CD1C: variants seen among roughly 807,000 people sequenced by gnomAD.
CD1C encodes T-cell surface glycoprotein CD1c.
CD1C carries 47 observed loss-of-function variants against 39.4 expected under a neutral mutation model. The ratio of observed to expected loss-of-function variants is 1.19; its 90% CI spans 0.94 to 1.52. CD1C has a LOEUF of 1.52. Ranked by LOEUF, CD1C falls within the 40% of genes most tolerant of loss-of-function variation. The probability of loss-of-function intolerance (pLI) is 0.00; values close to 1 mark genes in which losing one functional copy is unlikely to be tolerated. For synonymous variants in CD1C, 165 were observed against 150.8 expected (o/e 1.09, Z -0.69); for missense variants, 417 against 395.2 (o/e 1.06, Z -0.47).
chr1:158,291,296 A>G lies in CD1C; in HGVS notation c.224A>G (p.Asn75Ser), dbSNP rs372428718. Reference protein sequence around the residue: ...IIFLHNWSKGNFSNEELSDLE... With the variant: ...IIFLHNWSKGSFSNEELSDLE... The stretch of plus-strand genomic sequence containing the variant: ...TTCCTGCATAACTGGTCCAAGGGCA[A>G]CTTCAGCAATGAAGAGTTGTCAGAC... The change falls in exon 2 of 6, where the codon AAC becomes AGC. Residue 75 changes from asparagine (N) to serine (S), a missense_variant. By Grantham distance (46) the Asn-to-Ser change is conservative. Coordinates refer to ENST00000368170, the MANE Select transcript of CD1C (RefSeq NM_001765.3). 2.0e-5 allele frequency: 32 copies of G among 1,613,980 alleles called. No individual in the cohort carries two copies. The highest frequency in any genetic ancestry group is 2.7e-5 in the Non-Finnish European group (32 of 1,180,026).
In CD1C at chr1:158,290,125, G is replaced by C. The variant is rs775935078; in HGVS notation, c.61G>C (p.Ala21Pro). The change falls in exon 1 of 6, where the codon GCA (alanine) becomes CCA (proline). Residue 21 changes from alanine to proline, a missense_variant and splice_region_variant. By Grantham distance (27) the Ala-to-Pro change is conservative. Transcript: ENST00000368170. ...TCTCCCAGGTGGTGACAATGCAGAC[G>C]GTAAGAACATCGCTGTCAGCTGCAA... ...LLLPGGDNAD[A>P]SQEHVSFHVI... 3 of 1,612,532 alleles carry C rather than the reference G, an allele frequency of 1.9e-6. No homozygotes were observed. Among genetic ancestry groups the C allele is most frequent in the Non-Finnish European group, 2.5e-6 (3 of 1,178,958 alleles).
rs534404229 is a variant in CD1C, at chr1:158,293,558, G to A, written c.*82G>A. On this transcript the variant is annotated 3_prime_UTR_variant, in exon 6 of 6. Coordinates refer to ENST00000368170, the MANE Select transcript of CD1C (RefSeq NM_001765.3). The stretch of plus-strand genomic sequence containing the variant: ...TACAATATAGTGATGCCATCCCGTC[G>A]ACTCTCCATTTAAATTGTTTCTCTT... The A allele has an allele frequency of 2.8e-5, 45 of 1,613,794 alleles. No individual in the cohort carries two copies. Among genetic ancestry groups the A allele is most frequent in the Middle Eastern group, 3.3e-4 (2 of 6,062 alleles).
At chr1:158,292,017 T>G (rs1410933777) in intron 2 of CD1C, 67 bp from the exon 3 acceptor site, 1 of 1,483,916 alleles carries the variant, frequency 6.7e-7, no homozygotes, top group Non-Finnish European at 9.1e-7. Context: ...GATACAGCCC[T>G]AGGTTTTTAT....
chr1:158,291,214 G>A lies in CD1C; in HGVS notation c.142G>A (p.Gly48Arg). 6.2e-7 allele frequency: 1 copy of A among 1,614,010 alleles called. No individual in the cohort carries two copies. The highest frequency in any genetic ancestry group is 8.5e-7 in the Non-Finnish European group (1 of 1,180,026). Residue 48 changes from glycine (G) to arginine (R), a missense_variant, in exon 2 of 6, where the codon GGA becomes AGA. Physicochemically the swap from Gly to Arg is moderately radical, Grantham distance 125. Transcript: ENST00000368170. ...NQSWARGQGS[G>R]WLDELQTHGW... ...ATCCTGGGCACGAGGTCAGGGCTCAGGATGGCTGGACGAGTTGCAGACTCA... is the reference window on the plus strand; with the variant it reads ...ATCCTGGGCACGAGGTCAGGGCTCAAGATGGCTGGACGAGTTGCAGACTCA...
At position 158,292,357 on chromosome 1, in the gene CD1C, A is replaced by G. The variant is rs748673410; in HGVS notation, c.602A>G (p.His201Arg). ...GLLDAGKMYV[H>R]RQVRPEAWLS... Reference sequence around the variant, plus strand: ...CTGGATGCAGGGAAGATGTATGTACACAGGCAAGGTCAGTAGTTTCAGCCC... The same window carrying G: ...CTGGATGCAGGGAAGATGTATGTACGCAGGCAAGGTCAGTAGTTTCAGCCC... The change falls in exon 3 of 6, where the codon CAC (histidine) becomes CGC (arginine). Residue 201 changes from histidine (H) to arginine (R), a missense_variant. His to Arg is a conservative substitution (Grantham distance 29). Coordinates refer to ENST00000368170, the MANE Select transcript of CD1C (RefSeq NM_001765.3). 7 of 1,613,480 alleles carry G rather than the reference A, an allele frequency of 4.3e-6. No individual in the cohort carries two copies. The East Asian group carries it at 1.3e-4, about 31-fold the overall frequency.
At chr1:158,290,776 G>C (rs1651004733) in intron 1 of CD1C, among the ~76,000 whole-genome samples, 1 of 152,192 alleles carries the variant, frequency 6.6e-6, no homozygotes, top group Non-Finnish European at 1.5e-5. Context: ...ATGACATGCT[G>C]TTTCTGTAGT....
Position 158,293,364 on chromosome 1 carries a change from C to G in CD1C, c.980+62C>G, listed in dbSNP as rs1037249715. On this transcript the variant is annotated intron_variant, in intron 5 of 5. Coordinates refer to ENST00000368170, the MANE Select transcript of CD1C (RefSeq NM_001765.3). ...CTTATTTCACATTCCATTTTTCACT[C>G]TCTTAGCTTTTCTCTATTGACTACT... 34 of 1,593,112 alleles carry G rather than the reference C, an allele frequency of 2.1e-5. No homozygotes were observed. In the African/African-American group the frequency reaches 2.7e-4, roughly 13 times the overall value.
In CD1C at chr1:158,293,249, G is replaced by A; in HGVS notation, c.927G>A (p.Val309=). 1.2e-6 allele frequency: 2 copies of A among 1,614,156 alleles called. No individual in the cohort carries two copies. Among genetic ancestry groups the A allele is most frequent in the Non-Finnish European group, 8.5e-7 (1 of 1,180,000 alleles). The part of the protein sequence containing the change: ...HFSMNWIALV[V]IVPLVILIVL... ...CCATGAATTGGATTGCCTTGGTAGT[G>A]ATAGTGCCCTTGGTGATTCTAATAG... The change falls in exon 5 of 6, where the codon GTG becomes GTA. Residue 309 remains valine (V), a synonymous_variant. Transcript: ENST00000368170.
chr1:158,293,396 T>A (rs368649247), intron 5 of CD1C, 59 bp from the exon 6 acceptor site: 58 of 1,600,652 alleles, frequency 3.6e-5, no homozygotes, highest in Admixed American at 1.7e-4. Flanking sequence ...TACTCCACCT[T>A]ATCCTCAGTT....
chr1:158,292,645 G>C lies in CD1C; in HGVS notation c.660G>C (p.Gln220His). 2 of 1,613,544 alleles carry C rather than the reference G, an allele frequency of 1.2e-6. No homozygotes were observed. The highest frequency in any genetic ancestry group is 2.2e-5 in the South Asian group (2 of 91,044). ...LSSRPSLGSG[Q>H]LLLVCHASGF... ...GTCGCCCCAGCCTTGGGTCTGGCCA[G>C]CTGTTGCTGGTTTGTCATGCCTCCG... Residue 220 changes from glutamine (Q) to histidine (H), a missense_variant, in exon 4 of 6, where the codon CAG becomes CAC. Physicochemically the swap from Gln to His is conservative, Grantham distance 24 (BLOSUM62 0). Coordinates refer to ENST00000368170, the MANE Select transcript of CD1C (RefSeq NM_001765.3).
chr1:158,292,998 A>G, intron 4 of CD1C, 124 bp downstream of exon 4: 2 of 968,950 alleles, frequency 2.1e-6, no homozygotes, highest in Non-Finnish European at 3.1e-6. Flanking sequence ...GGTAATTTAA[A>G]GAATAGTGGA....
At position 158,293,201 on chromosome 1, in the gene CD1C, A is replaced by C; in HGVS notation, c.890-11A>C. 6.2e-7 allele frequency: 1 copy of C among 1,601,620 alleles called. No individual in the cohort carries two copies. Among genetic ancestry groups the C allele is most frequent in the Non-Finnish European group, 8.5e-7 (1 of 1,171,916 alleles). ...TAAAATGGCATCCATGTATCTTTCC[A>C]ATATGTGCAGGACACCACTTTTCCA... is the stretch of plus-strand genomic sequence containing the variant. On this transcript the variant is annotated splice_polypyrimidine_tract_variant and intron_variant, in intron 4 of 5. Transcript: ENST00000368170.
Position 158,293,495 on chromosome 1 carries a change from C to G in CD1C, c.*19C>G, listed in dbSNP as rs755841801. Reference sequence around the variant, plus strand: ...CCTGTGAGACTCTTCCCCCTGACTCCCCCATTGTGTTAAGAACCCAGCAAC... The same window carrying G: ...CCTGTGAGACTCTTCCCCCTGACTCGCCCATTGTGTTAAGAACCCAGCAAC... On this transcript the variant is annotated 3_prime_UTR_variant, in exon 6 of 6. Transcript: ENST00000368170. 4 of 1,614,000 alleles carry G rather than the reference C, an allele frequency of 2.5e-6. No individual in the cohort carries two copies. Among genetic ancestry groups the G allele is most frequent in the African/African-American group, 2.7e-5 (2 of 74,914 alleles).
Position 158,292,193 on chromosome 1 carries a change from T to C in CD1C, c.438T>C (p.Asn146=), listed in dbSNP as rs148953286. 810 of 1,614,094 alleles carry C rather than the reference T, an allele frequency of 5.0e-4. No individual in the cohort carries two copies. Among genetic ancestry groups the C allele is most frequent in the Non-Finnish European group, 6.5e-4 (772 of 1,180,056 alleles). The change falls in exon 3 of 6, where the codon AAT becomes AAC. Residue 146 remains asparagine (N), a synonymous_variant. Coordinates refer to ENST00000368170, the MANE Select transcript of CD1C (RefSeq NM_001765.3). ...GATTAGATTTACTGAGTTTCCAGAA[T>C]ACAACATGGGTGCCATCTCCAGGCT... ...FNGLDLLSFQ[N]TTWVPSPGCG...
In CD1C at chr1:158,290,269, G is replaced by A. The variant is rs372611291; in HGVS notation, c.61+144G>A. 7.5e-4 allele frequency: 496 copies of A among 657,618 alleles called. 3 individuals carry two copies. In the African/African-American group the frequency reaches 7.8e-3, roughly 10 times the overall value. 40.7% of individuals were successfully genotyped at this position (657,618 alleles called of 1,614,324 possible). A position where few individuals can be genotyped will look rare whatever the true frequency, so the allele number is the denominator to read the frequency against. On this transcript the variant is annotated intron_variant, in intron 1 of 5. Coordinates refer to ENST00000368170, the MANE Select transcript of CD1C (RefSeq NM_001765.3). The stretch of plus-strand genomic sequence containing the variant: ...GGTCCAGTTTACTCTTTTGGAGGAT[G>A]GTGGCAGAGCATGGGCTCTGTGTAA...
At chr1:158,290,192 A>T in intron 1 of CD1C, 67 bp downstream of exon 1, 1 of 1,399,472 alleles carries the variant, frequency 7.1e-7, no homozygotes, top group Non-Finnish European at 1.0e-6. Context: ...CTTTCCCGAG[A>T]TGGATCAATA....
Position 158,292,314 on chromosome 1 carries a change from C to T in CD1C, c.559C>T (p.Arg187Ter), listed in dbSNP as rs139538152. The T allele has an allele frequency of 1.8e-5, 29 of 1,614,040 alleles. No individual in the cohort carries two copies. Among genetic ancestry groups the T allele is most frequent in the South Asian group, 1.1e-4 (10 of 91,084 alleles). ...VYNLIRSTCP[R>*]FLLGLLDAGK... ...TAATCTCATAAGAAGCACTTGCCCC[C>T]GATTTCTCTTGGGTCTCCTGGATGC... Residue 187 changes from arginine (R) to a stop codon, truncating the protein, a stop_gained, in exon 3 of 6, where the codon CGA becomes TGA. Coordinates refer to ENST00000368170, the MANE Select transcript of CD1C (RefSeq NM_001765.3). LOFTEE classifies it high-confidence loss of function.
At chr1:158,292,965 G>A in intron 4 of CD1C, 91 bp downstream of exon 4, 2 of 1,269,272 alleles carry the variant, frequency 1.6e-6, no homozygotes, top group Non-Finnish European at 1.1e-6. Flanking sequence ...CCTAGGTGAG[G>A]GATTGTAGGA....
rs1651120345 is a variant in CD1C, at chr1:158,293,313, T to C, written c.980+11T>C. 6.2e-7 allele frequency: 1 copy of C among 1,609,890 alleles called. No homozygotes were observed. The highest frequency in any genetic ancestry group is 1.7e-5 in the Admixed American group (1 of 59,766). On this transcript the variant is annotated intron_variant, in intron 5 of 5. Transcript: ENST00000368170. ...GTTTAAGAAGCACTGGTGAGTTTTTTGTATTTCCTCCTCTCCTCCCAGTTT... is the reference window on the plus strand; with the variant it reads ...GTTTAAGAAGCACTGGTGAGTTTTTCGTATTTCCTCCTCTCCTCCCAGTTT...
Sources: allele counts gnomAD v4.1 joint callset (sites outside exome capture counted in the v4.1 genomes callset), GRCh38; gene constraint gnomAD v4.1.1; transcripts MANE v1.5; gene names NCBI Gene and HGNC (gene_info 2026-07-23, HGNC 2026-07-21).